The following ANK3 variants were observed in gnomAD, a reference collection of about 807,000 sequenced individuals.
ANK3 encodes the protein ankyrin 3.
In ANK3, 57 loss-of-function variants were observed where a neutral mutation model predicts 370.9. The observed-to-expected ratio is 0.15, with a 90% confidence interval of 0.12 to 0.19. The LOEUF (loss-of-function observed/expected upper bound fraction) is 0.19, where lower values mean the gene tolerates loss of function less well. ANK3 is among the 10% of genes least tolerant of loss of function. The probability of loss-of-function intolerance (pLI) is 1.00; values close to 1 mark genes in which losing one functional copy is unlikely to be tolerated. For missense variants in ANK3, 4,439 were observed against 5,302.1 expected (o/e 0.84, Z 5.06); for synonymous variants, 1,929 against 1,946.3 (o/e 0.99, Z 0.23).
intron 1 of ANK3, among the ~76,000 whole-genome samples, chr10:60,335,109 G>A (rs1428205868): frequency 3.3e-5 from 5 of 152,096 alleles, no homozygotes; most frequent in African/African-American, 4.8e-5. Context: ...GCGTGTGTAT[G>A]TCTGGGGGTT....
chr10:60,662,990 GA>G (rs1318911802), intron 1 of ANK3, among the ~76,000 whole-genome samples: 1 of 152,318 alleles, frequency 6.6e-6, no homozygotes, highest in East Asian at 1.9e-4. Context: ...CAAAAGTCCT[GA>G]AGAGCAAACT....
At chr10:60,585,761 C>T (rs967688024) in intron 2 of ANK3, among the ~76,000 whole-genome samples, 3 of 152,104 alleles carry the variant, frequency 2.0e-5, no homozygotes, top group Non-Finnish European at 4.4e-5. Context: ...CAGTGGCTCA[C>T]GTACGTAATC....
chr10:60,098,865 C>A, intron 28 of ANK3, among the ~76,000 whole-genome samples: 1 of 152,140 alleles, frequency 6.6e-6, no homozygotes, highest in South Asian at 2.1e-4. Context: ...TAGATTTGCA[C>A]GTGTAATAAG....
intron 1 of ANK3, among the ~76,000 whole-genome samples, chr10:60,320,469 C>G (rs2048385306): frequency 6.6e-6 from 1 of 152,150 alleles, no homozygotes; most frequent in Non-Finnish European, 1.5e-5. Context: ...GTGGCACATG[C>G]CTGTAATCCC....
intron 35 of ANK3, among the ~76,000 whole-genome samples, 196 bp from the exon 36 acceptor site, chr10:60,080,814 C>T (rs1293857088): frequency 1.3e-5 from 2 of 152,060 alleles, no homozygotes; most frequent in Non-Finnish European, 2.9e-5. Context: ...TTAAGAGCAC[C>T]AACACAGCAG....
At chr10:60,450,220 G>T (rs1389059606) in intron 2 of ANK3, among the ~76,000 whole-genome samples, 1 of 152,168 alleles carries the variant, frequency 6.6e-6, no homozygotes, top group East Asian at 1.9e-4. Context: ...CTTGAGCCCA[G>T]GAGTTGGAGG....
chr10:60,314,956 T>G (rs771820985), intron 1 of ANK3, among the ~76,000 whole-genome samples: 2 of 152,244 alleles, frequency 1.3e-5, no homozygotes, highest in African/African-American at 4.8e-5. Flanking sequence ...AAAGGTAAAG[T>G]TCTTACGTTG....
chr10:60,625,105 C>A (rs1011386213), intron 1 of ANK3, among the ~76,000 whole-genome samples: 27 of 152,070 alleles, frequency 1.8e-4, no homozygotes, highest in Non-Finnish European at 3.1e-4. Context: ...GACTGGCGGG[C>A]CCTGCTTCCT....
chr10:60,057,305 T>C (rs1224512090), intron 41 of ANK3, among the ~76,000 whole-genome samples: 2 of 152,216 alleles, frequency 1.3e-5, no homozygotes, highest in African/African-American at 2.4e-5. Flanking sequence ...TTTTACAAGT[T>C]TCAGTATAGA....
chr10:60,494,720 G>A (rs76451846), intron 2 of ANK3, among the ~76,000 whole-genome samples: 13 of 152,118 alleles, frequency 8.5e-5, no homozygotes, highest in African/African-American at 2.2e-4. Flanking sequence ...CATTCAAGAC[G>A]TATACACTTT....
intron 8 of ANK3, among the ~76,000 whole-genome samples, chr10:60,213,953 C>T (rs1216006250): frequency 6.6e-6 from 1 of 151,920 alleles, no homozygotes; most frequent in African/African-American, 2.4e-5. Flanking sequence ...TTATTGATTA[C>T]TACATATTTC....
At chr10:60,576,625 A>G (rs2077686098) in intron 2 of ANK3, among the ~76,000 whole-genome samples, 1 of 152,242 alleles carries the variant, frequency 6.6e-6, no homozygotes, top group Non-Finnish European at 1.5e-5. Context: ...TCATGCACTT[A>G]CTGTAATTTA....
At chr10:60,653,230 C>T (rs904107560) in intron 1 of ANK3, among the ~76,000 whole-genome samples, 1 of 152,036 alleles carries the variant, frequency 6.6e-6, no homozygotes, top group African/African-American at 2.4e-5. Flanking sequence ...GATCACAAAG[C>T]CAAGGTCACA....
intron 42 of ANK3, chr10:60,043,258 G>A: frequency 4.1e-6 from 4 of 985,486 alleles, no homozygotes; most frequent in Non-Finnish European, 3.6e-6. Flanking sequence ...TCTTCACTGA[G>A]CATCAGGAAT....
At chr10:60,473,870 C>T (rs969656566) in intron 2 of ANK3, among the ~76,000 whole-genome samples, 1 of 149,628 alleles carries the variant, frequency 6.7e-6, no homozygotes, top group Non-Finnish European at 1.5e-5. Flanking sequence ...AGAGGCTCAC[C>T]TTTGTAATCA....
At chr10:60,045,641 A>C (rs2076824687) in intron 42 of ANK3, among the ~76,000 whole-genome samples, 1 of 152,218 alleles carries the variant, frequency 6.6e-6, no homozygotes, top group African/African-American at 2.4e-5. Context: ...GCTGCTTGGC[A>C]GTGTACAGAT....
At chr10:60,596,968 A>C (rs116505208) in intron 2 of ANK3, among the ~76,000 whole-genome samples, 2,474 of 152,310 alleles carry the variant, frequency 0.016, 83 homozygotes, top group African/African-American at 0.056. Context: ...TTATAGAAAG[A>C]CTATTTACAT....
chr10:60,067,265 C>T (rs1344082766), intron 38 of ANK3, among the ~76,000 whole-genome samples: 2 of 152,102 alleles, frequency 1.3e-5, no homozygotes, highest in African/African-American at 4.8e-5. Context: ...TTAAAAATCA[C>T]ATTTAAAAAT....
Position 60,281,748 on chromosome 10 carries a change from A to G in ANK3, c.115-2109T>C, listed in dbSNP as rs867411234. On this transcript the variant is annotated intron_variant, in intron 1 of 43. Coordinates refer to ENST00000280772, the MANE Select transcript of ANK3 (RefSeq NM_020987.5). ...TTAGCAGCAGCAGCAGTTTAAGTTG[A>G]GAATCTGATAGATACAAAGGTGAAT... Among the ~76,000 whole-genome samples the G allele has an allele frequency of 2.6e-5, 4 of 152,240 alleles. No homozygotes were observed. The South Asian group carries it at 8.3e-4, about 31-fold the overall frequency.
Sources: allele counts gnomAD v4.1 joint callset (sites outside exome capture counted in the v4.1 genomes callset), GRCh38; gene constraint gnomAD v4.1.1; transcripts MANE v1.5; gene names NCBI Gene and HGNC (gene_info 2026-07-23, HGNC 2026-07-21).